HSD11B1L: variants seen among roughly 807,000 people sequenced by gnomAD.
The protein encoded by HSD11B1L is hydroxysteroid 11-beta-dehydrogenase 1-like protein.
Under a neutral mutation model 27.0 loss-of-function variants are expected in HSD11B1L, and 22 were observed. That is an observed-to-expected ratio of 0.81 (90% CI 0.58 to 1.16). HSD11B1L has a LOEUF of 1.16. Ranked by LOEUF, HSD11B1L falls within the 50% of genes most tolerant of loss-of-function variation. HSD11B1L has a pLI of 0.00. For synonymous variants in HSD11B1L, 187 were observed against 189.2 expected (o/e 0.99, Z 0.09); for missense variants, 372 against 401.8 (o/e 0.93, Z 0.63).
At chr19:5,682,250 G>A (rs956702725) in intron 1 of HSD11B1L, among the ~76,000 whole-genome samples, 7 of 152,202 alleles carry the variant, frequency 4.6e-5, no homozygotes, top group East Asian at 1.9e-4. Flanking sequence ...TGACACAGAC[G>A]CCTTTGGCTG....
chr19:5,687,371 G>T lies in HSD11B1L; in HGVS notation c.498G>T (p.Leu166=). 6.2e-7 allele frequency: 1 copy of T among 1,611,884 alleles called. No homozygotes were observed. Among genetic ancestry groups the T allele is most frequent in the Non-Finnish European group, 8.5e-7 (1 of 1,179,666 alleles). ...SKGSLVVVSS[L]LGRVPTSFST... ...GCTCCCTGGTGGTGGTGTCCTCGCT[G>T]CTCGGTGCGTGCACCCGGCCCCGGC... is the stretch of plus-strand genomic sequence containing the variant. Residue 166 remains leucine, a synonymous_variant, in exon 6 of 8, where the codon CTG becomes CTT. Transcript: ENST00000339423. The surrounding 1 kb of genome is among the most constrained non-coding windows in gnomAD (Gnocchi z 6.6).
chr19:5,684,091 T>C, intron 1 of HSD11B1L: 2 of 466,102 alleles, frequency 4.3e-6, no homozygotes, highest in Non-Finnish European at 7.7e-6. Flanking sequence ...TTCTCCTGCC[T>C]CAGCCTCCCA....
Position 5,685,053 on chromosome 19 carries a change from C to G in HSD11B1L, c.138C>G (p.Ala46=), listed in dbSNP as rs929841124. The change falls in exon 3 of 8, where the codon GCC becomes GCG. Residue 46 remains alanine (A), a synonymous_variant. Transcript: ENST00000339423. The surrounding 1 kb of genome is among the most constrained non-coding windows in gnomAD (Gnocchi z 4.3). ...ACGCTGGTGTTGGTGAGGAGCTGGCCTATCACTACGCGCGTCTGGGCTCCC... is the reference window on the plus strand; with the variant it reads ...ACGCTGGTGTTGGTGAGGAGCTGGCGTATCACTACGCGCGTCTGGGCTCCC... ...GANAGVGEEL[A]YHYARLGSHL... The G allele has an allele frequency of 6.4e-7, 1 of 1,562,442 alleles. No individual in the cohort carries two copies. Among genetic ancestry groups the G allele is most frequent in the African/African-American group, 1.4e-5 (1 of 73,434 alleles).
intron 1 of HSD11B1L, chr19:5,684,082 T>C: frequency 2.1e-6 from 1 of 473,204 alleles, no homozygotes; most frequent in South Asian, 3.9e-5. Context: ...TTCAAGCGAT[T>C]CTCCTGCCTC....
chr19:5,684,080 A>T, intron 1 of HSD11B1L: 2 of 476,862 alleles, frequency 4.2e-6, no homozygotes, highest in Non-Finnish European at 7.5e-6. Context: ...GGTTCAAGCG[A>T]TTCTCCTGCC....
chr19:5,686,355 C>CGGTGGAGG (rs1178000643), intron 3 of HSD11B1L, 61 bp from the exon 4 acceptor site: 1 of 1,147,062 alleles, frequency 8.7e-7, no homozygotes, highest in African/African-American at 1.6e-5. Context: ...CCAGCAGGTG[C>CGGTGGAGG]GGTGGAGGGG....
At position 5,687,223 on chromosome 19, in the gene HSD11B1L, T is replaced by C. The variant is rs1487156136; in HGVS notation, c.409-59T>C. 1 of 1,569,018 alleles carries C rather than the reference T, an allele frequency of 6.4e-7. No individual in the cohort carries two copies. Among genetic ancestry groups the C allele is most frequent in the Non-Finnish European group, 8.7e-7 (1 of 1,151,804 alleles). ...GCCCTGGCCCCGCCCTCTGGGTTTCTGGCCCCGCCCTGCCCCTGGGCTCCG... is the reference window on the plus strand; with the variant it reads ...GCCCTGGCCCCGCCCTCTGGGTTTCCGGCCCCGCCCTGCCCCTGGGCTCCG... On this transcript the variant is annotated intron_variant, in intron 5 of 7. Transcript: ENST00000339423. The surrounding 1 kb of genome is among the most constrained non-coding windows in gnomAD (Gnocchi z 6.6).
chr19:5,684,125 C>T (rs1175814922), intron 1 of HSD11B1L: 7 of 424,866 alleles, frequency 1.6e-5, no homozygotes, highest in South Asian at 6.8e-5. Flanking sequence ...CAGGCATGTG[C>T]GTGCCTCAGC....
intron 1 of HSD11B1L, 24 bp from the exon 2 acceptor site, chr19:5,684,794 AC>A (rs1319796829): frequency 6.2e-7 from 1 of 1,612,912 alleles, no homozygotes; most frequent in Non-Finnish European, 8.5e-7. Context: ...TGTGCCGGCC[AC>A]CTCTGTCCCC....
At position 5,681,620 on chromosome 19, in the gene HSD11B1L, GTCCATCCATCCA is replaced by G. The variant is rs547679811; in HGVS notation, c.-15+371_-15+382del. Among the ~76,000 whole-genome samples, 8 of 149,510 alleles carry G rather than the reference GTCCATCCATCCA, an allele frequency of 5.4e-5. No individual in the cohort carries two copies. In the South Asian group the frequency reaches 6.3e-4, roughly 12 times the overall value. ...TATCTGGCCACCCACTCATCTATCC[GTCCATCCATCCA>G]TCCATCCATCCATCCATCCATGCAT... On this transcript the variant is annotated intron_variant, in intron 1 of 7. Transcript: ENST00000339423.
intron 1 of HSD11B1L, chr19:5,684,115 C>A: frequency 2.3e-6 from 1 of 436,352 alleles, no homozygotes; most frequent in Non-Finnish European, 4.1e-6. Context: ...ATCTGGATTA[C>A]AGGCATGTGC....
Position 5,684,859 on chromosome 19 carries a change from G to A in HSD11B1L, c.27G>A (p.Leu9=), listed in dbSNP as rs1347550846. The A allele has an allele frequency of 6.2e-7, 1 of 1,613,788 alleles. No individual in the cohort carries two copies. The highest frequency in any genetic ancestry group is 8.5e-7 in the Non-Finnish European group (1 of 1,179,952). The stretch of plus-strand genomic sequence containing the variant: ...TGAAGGTGCTTCTCCTCACAGGGCT[G>A]GGGGCCCTGTTCTTCGCCTATTATT... MKVLLLTG[L]GALFFAYYWD... The change falls in exon 2 of 8, where the codon CTG becomes CTA. Residue 9 remains leucine (L), a synonymous_variant. Transcript: ENST00000339423.
At position 5,683,415 on chromosome 19, in the gene HSD11B1L, C is replaced by T. The variant is rs569908584; in HGVS notation, c.-14-1404C>T. ...GCTGTCTCTTGGCTTCCTCACCTCT[C>T]GCCTCCCACGTGCCTCATATCACTC... On this transcript the variant is annotated intron_variant, in intron 1 of 7. Coordinates refer to ENST00000339423, the MANE Select transcript of HSD11B1L (RefSeq NM_198706.3). Among the ~76,000 whole-genome samples the T allele has an allele frequency of 1.1e-4, 17 of 152,218 alleles. No individual in the cohort carries two copies. The South Asian group carries it at 3.1e-3, about 28-fold the overall frequency.
In HSD11B1L at chr19:5,685,133, T is replaced by A; in HGVS notation, c.204+14T>A. ...CTCCTGCAGAAGGTGAGCCACCCCA[T>A]GTCTAGATGAATGGTGGGGGTGCTC... On this transcript the variant is annotated intron_variant, in intron 3 of 7. Transcript: ENST00000339423. The surrounding 1 kb of genome is among the most constrained non-coding windows in gnomAD (Gnocchi z 4.3). 1 of 1,543,748 alleles carries A rather than the reference T, an allele frequency of 6.5e-7. No individual in the cohort carries two copies. The highest frequency in any genetic ancestry group is 2.0e-5 in the Admixed American group (1 of 50,994).
rs962794469 is a variant in HSD11B1L, at chr19:5,688,331, C to T, written c.*386C>T. ...CCTGATTTATTCTTTCCATTCATTC[C>T]ATCTGGGAGGAACCCCCCCAACTCC... On this transcript the variant is annotated 3_prime_UTR_variant, in exon 8 of 8. Transcript: ENST00000339423. 4.0e-5 allele frequency: 32 copies of T among 797,464 alleles called. No individual in the cohort carries two copies. The Admixed American group carries it at 8.6e-4, about 21-fold the overall frequency. 49.4% of individuals were successfully genotyped at this position (797,464 alleles called of 1,614,324 possible). A position where few individuals can be genotyped will look rare whatever the true frequency, so the allele number is the denominator to read the frequency against.
Position 5,688,110 on chromosome 19 carries a change from C to G in HSD11B1L, c.*165C>G. On this transcript the variant is annotated 3_prime_UTR_variant, in exon 8 of 8. Transcript: ENST00000339423. ...GAGAAAAACGACGGGCACCTGGAAC[C>G]AGTCACGGCTTGGGAGGTGCAGGTG... 1 of 1,551,516 alleles carries G rather than the reference C, an allele frequency of 6.4e-7. No individual in the cohort carries two copies. The highest frequency in any genetic ancestry group is 1.2e-5 in the South Asian group (1 of 84,058).
chr19:5,682,278 G>A (rs1423488839), intron 1 of HSD11B1L, among the ~76,000 whole-genome samples: 1 of 152,178 alleles, frequency 6.6e-6, no homozygotes, highest in Non-Finnish European at 1.5e-5. Context: ...AGAAGAGGCA[G>A]GGAGAGAATG....
At position 5,687,445 on chromosome 19, in the gene HSD11B1L, C is replaced by T. The variant is rs1306712897; in HGVS notation, c.503-58C>T. 4 of 1,592,862 alleles carry T rather than the reference C, an allele frequency of 2.5e-6. No homozygotes were observed. The highest frequency in any genetic ancestry group is 1.7e-6 in the Non-Finnish European group (2 of 1,173,746). On this transcript the variant is annotated intron_variant, in intron 6 of 7. Coordinates refer to ENST00000339423, the MANE Select transcript of HSD11B1L (RefSeq NM_198706.3). This position sits in a 1 kb window ranked among gnomAD's most constrained non-coding sequence, Gnocchi z 6.6. ...CTCGATGCGGGTGAGCCTGGAGGGT[C>T]TGGGCAGGCTTCCCGGACGAGGGGG...
At chr19:5,684,161 G>A (rs1042046853) in intron 1 of HSD11B1L, 3 of 397,386 alleles carry the variant, frequency 7.5e-6, no homozygotes, top group South Asian at 1.1e-4. Flanking sequence ...GATTACAGGC[G>A]CCTGCCACCG....
Sources: allele counts gnomAD v4.1 joint callset (sites outside exome capture counted in the v4.1 genomes callset), GRCh38; gene constraint gnomAD v4.1.1; non-coding constraint Gnocchi (gnomAD v3.1); transcripts MANE v1.5; gene names NCBI Gene and HGNC (gene_info 2026-07-23, HGNC 2026-07-21).